Variants in FAM20C observed in about 807,000 individuals in gnomAD.
FAM20C encodes FAM20C golgi associated secretory pathway kinase, also known as extracellular serine/threonine protein kinase FAM20C.
In FAM20C, 40 loss-of-function variants were observed where a neutral mutation model predicts 51.5. The ratio of observed to expected loss-of-function variants is 0.78; its 90% confidence interval spans 0.60 to 1.01. The LOEUF (loss-of-function observed/expected upper bound fraction) is 1.01. Ranked by LOEUF, FAM20C falls within the 50% of genes least tolerant of loss-of-function variation. The pLI is 0.00. For missense variants in FAM20C, 861 were observed against 844.7 expected (o/e 1.02, Z -0.24); for synonymous variants, 406 against 380.6 (o/e 1.07, Z -0.78).
At chr7:246,209 C>A (rs2115145149) in intron 3 of FAM20C, 2 of 543,880 alleles carry the variant, frequency 3.7e-6, no homozygotes, top group South Asian at 2.1e-5. Flanking sequence ...GAGCTGGGAC[C>A]CCCGGCCTCC....
chr7:213,667 C>T (rs1368007812), intron 3 of FAM20C, among the ~76,000 whole-genome samples: 1 of 152,170 alleles, frequency 6.6e-6, no homozygotes, highest in African/African-American at 2.4e-5. Context: ...ATTTTCAGCT[C>T]TCTTGGATGT....
rs1300583763 is a variant in FAM20C at position 193,779 on chromosome 7, C to G, written c.580C>G (p.Pro194Ala). Residue 194 changes from proline (P) to alanine (A), a missense_variant, in exon 1 of 10, where the codon CCC becomes GCC. Pro to Ala is a conservative substitution (Grantham distance 27, BLOSUM62 -1). Coordinates refer to ENST00000313766, the MANE Select transcript of FAM20C (RefSeq NM_020223.4). ...FNVNSDTRLS[P>A]KAAENPDWPH... ...TGTGAACAGCGACACCAGGCTCAGCCCCAAAGCGGCGGAGAACCCGGACTG... is the reference window on the plus strand; with the variant it reads ...TGTGAACAGCGACACCAGGCTCAGCGCCAAAGCGGCGGAGAACCCGGACTG... 6.4e-7 allele frequency: 1 copy of G among 1,553,186 alleles called. No homozygotes were observed. The highest frequency in any genetic ancestry group is 8.7e-7 in the Non-Finnish European group (1 of 1,148,728).
At chr7:234,518 C>T (rs1050193777) in intron 3 of FAM20C, among the ~76,000 whole-genome samples, 5 of 152,084 alleles carry the variant, frequency 3.3e-5, no homozygotes, top group Admixed American at 1.3e-4. Context: ...CTTCTGGGGC[C>T]GCAGGCTGTG....
chr7:195,027 C>G (rs1785781624), intron 1 of FAM20C, among the ~76,000 whole-genome samples: 1 of 152,194 alleles, frequency 6.6e-6, no homozygotes, highest in South Asian at 2.1e-4. Context: ...CAAGGCTGCT[C>G]TCATTAAAAT....
chr7:253,464 G>A (rs1788475569), intron 5 of FAM20C, among the ~76,000 whole-genome samples: 1 of 152,164 alleles, frequency 6.6e-6, no homozygotes, highest in African/African-American at 2.4e-5. Flanking sequence ...TCCTGGGTTT[G>A]TCCGCTACCC....
intron 3 of FAM20C, among the ~76,000 whole-genome samples, chr7:213,854 T>C (rs1438579396): frequency 1.3e-5 from 2 of 151,782 alleles, no homozygotes; most frequent in Non-Finnish European, 2.9e-5. Context: ...ATGACGGCCG[T>C]CCCGGTGGGG....
At chr7:203,147 T>C (rs1786208065) in intron 2 of FAM20C, among the ~76,000 whole-genome samples, 1 of 152,162 alleles carries the variant, frequency 6.6e-6, no homozygotes, top group Non-Finnish European at 1.5e-5. Flanking sequence ...GCCGGCTTCA[T>C]GGGCATCAGA....
chr7:203,985 A>T (rs989500781), intron 2 of FAM20C, among the ~76,000 whole-genome samples: 1 of 152,252 alleles, frequency 6.6e-6, no homozygotes, highest in Non-Finnish European at 1.5e-5. Context: ...TTACTAAAAA[A>T]TGTAGTCACT....
At chr7:200,735 T>A (rs12718124) in intron 2 of FAM20C, among the ~76,000 whole-genome samples, 79,943 of 152,080 alleles carry the variant, frequency 0.53, 21,699 homozygotes, top group East Asian at 0.68. Context: ...GAAAGTGTCC[T>A]GAGGGTGGTG....
intron 3 of FAM20C, among the ~76,000 whole-genome samples, chr7:235,937 C>T (rs1046459878): frequency 1.7e-4 from 26 of 152,340 alleles, no homozygotes; most frequent in African/African-American, 3.8e-4. Flanking sequence ...CTCTGCTGCT[C>T]GGCTAACCCC....
At chr7:241,244 G>A (rs1032639444) in intron 3 of FAM20C, among the ~76,000 whole-genome samples, 9 of 152,172 alleles carry the variant, frequency 5.9e-5, no homozygotes, top group East Asian at 1.9e-4. Context: ...CCTCGGGAGC[G>A]GAGCCCAGAG....
intron 7 of FAM20C, 95 bp downstream of exon 7, chr7:256,858 C>T (rs941248139): frequency 1.0e-4 from 146 of 1,427,436 alleles, no homozygotes; most frequent in Middle Eastern, 2.0e-4. Flanking sequence ...TGGCACGGCC[C>T]GGCTGCGGTC....
chr7:201,907 G>A (rs1487793454), intron 2 of FAM20C, among the ~76,000 whole-genome samples: 1 of 152,246 alleles, frequency 6.6e-6, no homozygotes, highest in Non-Finnish European at 1.5e-5. Flanking sequence ...GTTCGTGCAT[G>A]TTAACTTGTG....
intron 3 of FAM20C, among the ~76,000 whole-genome samples, chr7:237,241 T>A (rs1230980498): frequency 2.0e-5 from 3 of 152,330 alleles, no homozygotes; most frequent in African/African-American, 7.2e-5. Context: ...CCCTTTTCAG[T>A]GCAGCAGGTC....
chr7:220,920 G>A (rs1283619799), intron 3 of FAM20C, among the ~76,000 whole-genome samples: 2 of 151,972 alleles, frequency 1.3e-5, no homozygotes, highest in Non-Finnish European at 1.5e-5. Flanking sequence ...GCGGAGCCTC[G>A]TCTCTAGCAG....
At chr7:199,094 C>T (rs1204647410) in intron 2 of FAM20C, among the ~76,000 whole-genome samples, 1 of 152,244 alleles carries the variant, frequency 6.6e-6, no homozygotes, top group African/African-American at 2.4e-5. Flanking sequence ...TGGCCTAGGC[C>T]AGGAGGATGT....
chr7:219,659 T>C (rs1350702065), intron 3 of FAM20C, among the ~76,000 whole-genome samples: 1 of 152,120 alleles, frequency 6.6e-6, no homozygotes, highest in African/African-American at 2.4e-5. Flanking sequence ...GCCCAGGGTG[T>C]CCTGCAGAGA....
intron 8 of FAM20C, among the ~76,000 whole-genome samples, chr7:258,156 ATAGGCAGGGTGGACCCAC>A (rs1246911556): frequency 9.0e-6 from 1 of 110,996 alleles, no homozygotes; most frequent in Admixed American, 8.7e-5. Context: ...GGTGCTGGAG[ATAGGCAGGGTGGACCCAC>A]TGCCTGAGGT....
chr7:208,027 G>C (rs989646341), intron 2 of FAM20C, among the ~76,000 whole-genome samples: 4 of 152,220 alleles, frequency 2.6e-5, no homozygotes, highest in Non-Finnish European at 4.4e-5. Flanking sequence ...CCTCGCATGA[G>C]ACAGGTGCTT....
Sources: gnomAD v4.1 joint callset for allele counts (sites outside exome capture counted in the v4.1 genomes callset) on GRCh38, gnomAD v4.1.1 for gene constraint, MANE v1.5 for transcripts, NCBI Gene and HGNC (gene_info 2026-07-23, HGNC 2026-07-21) for gene names.